RBMS2: variants seen among roughly 807,000 people sequenced by gnomAD.
RBMS2 encodes RNA binding motif single stranded interacting protein 2.
Under a neutral mutation model 58.4 loss-of-function variants are expected in RBMS2, and 38 were observed. The observed-to-expected ratio is 0.65, with a 90% CI of 0.50 to 0.85. The LOEUF (loss-of-function observed/expected upper bound fraction) is 0.85. RBMS2 is among the 40% of genes least tolerant of loss of function. The pLI, the probability that RBMS2 is intolerant of heterozygous loss-of-function variation, is 0.00. For missense variants in RBMS2, 367 were observed against 503.7 expected (o/e 0.73, Z 2.60); for synonymous variants, 151 against 180.7 (o/e 0.84, Z 1.32).
intron 1 of RBMS2, among the ~76,000 whole-genome samples, chr12:56,558,410 T>C (rs972048857): frequency 2.0e-5 from 3 of 149,454 alleles, no homozygotes; most frequent in Non-Finnish European, 4.4e-5. Flanking sequence ...GCATCACTGA[T>C]ACTTTCTTTC....
intron 5 of RBMS2, among the ~76,000 whole-genome samples, chr12:56,577,060 T>A (rs1409404068): frequency 6.8e-6 from 1 of 146,058 alleles, no homozygotes; most frequent in Non-Finnish European, 1.5e-5. Flanking sequence ...AAAAAAGTTA[T>A]CTTTACAATG....
At chr12:56,585,416 G>C (rs190467833) in intron 9 of RBMS2, among the ~76,000 whole-genome samples, 1 of 152,110 alleles carries the variant, frequency 6.6e-6, no homozygotes, top group Non-Finnish European at 1.5e-5. Flanking sequence ...CTATGGATTT[G>C]CCTATTCTGG....
intron 1 of RBMS2, among the ~76,000 whole-genome samples, chr12:56,561,193 C>A (rs1397104636): frequency 6.6e-6 from 1 of 152,094 alleles, no homozygotes; most frequent in Non-Finnish European, 1.5e-5. Flanking sequence ...GATTTCATAT[C>A]TTTGCTATTG....
intron 1 of RBMS2, among the ~76,000 whole-genome samples, chr12:56,540,949 A>G (rs1875966275): frequency 1.3e-5 from 2 of 152,070 alleles, no homozygotes; most frequent in Non-Finnish European, 2.9e-5. Flanking sequence ...AAAAACTCAA[A>G]TATTAGCCAG....
chr12:56,556,977 C>T (rs987536447), intron 1 of RBMS2, among the ~76,000 whole-genome samples: 1 of 152,106 alleles, frequency 6.6e-6, no homozygotes, highest in Admixed American at 6.6e-5. Context: ...GGGACTGGTC[C>T]CTCTAATCAG....
At chr12:56,522,226 C>G in intron 1 of RBMS2, 137 bp downstream of exon 1, 1 of 660,006 alleles carries the variant, frequency 1.5e-6, no homozygotes, top group Non-Finnish European at 2.5e-6. Flanking sequence ...CGCGCTTCTC[C>G]CTTTTCCACT....
chr12:56,585,249 T>A (rs992557572), intron 9 of RBMS2, among the ~76,000 whole-genome samples: 3 of 152,274 alleles, frequency 2.0e-5, no homozygotes, highest in African/African-American at 7.2e-5. Flanking sequence ...GTGTATGGCA[T>A]AAGATAGGAG....
chr12:56,591,499 C>T lies in RBMS2; in HGVS notation c.*2366C>T, dbSNP rs1041370324. 1 of 152,274 alleles carries T rather than the reference C, an allele frequency of 6.6e-6. No individual in the cohort carries two copies. Among genetic ancestry groups the T allele is most frequent in the South Asian group, 2.1e-4 (1 of 4,828 alleles). 9.4% of individuals were successfully genotyped at this position (152,274 alleles called of 1,614,324 possible). On this transcript the variant is annotated 3_prime_UTR_variant, in exon 14 of 14. Coordinates refer to ENST00000262031, the MANE Select transcript of RBMS2 (RefSeq NM_002898.4). ...ATCCAGTGTAAAATAGCCCCAAGCCCAGCAACCTTCTAGAGGGCTCTGGCT... is the reference window on the plus strand; with the variant it reads ...ATCCAGTGTAAAATAGCCCCAAGCCTAGCAACCTTCTAGAGGGCTCTGGCT...
At chr12:56,577,202 G>A (rs891108256) in intron 5 of RBMS2, among the ~76,000 whole-genome samples, 3 of 151,776 alleles carry the variant, frequency 2.0e-5, no homozygotes, top group South Asian at 4.2e-4. Context: ...TCAGGAGTTC[G>A]AGACCAGCCT....
At chr12:56,550,565 G>A (rs1406774540) in intron 1 of RBMS2, among the ~76,000 whole-genome samples, 2 of 151,766 alleles carry the variant, frequency 1.3e-5, no homozygotes, top group Non-Finnish European at 2.9e-5. Context: ...AAAAGGCCAG[G>A]CATGGTGGCT....
chr12:56,589,518 A>C lies in RBMS2; in HGVS notation c.*385A>C. On this transcript the variant is annotated 3_prime_UTR_variant, in exon 14 of 14. Transcript: ENST00000262031. ...TTTCGATGTATTGGAATTATTTGGG[A>C]ATGCTTTTAAAACAATTTGTAATTA... is the stretch of plus-strand genomic sequence containing the variant. 1 of 230,392 alleles carries C rather than the reference A, an allele frequency of 4.3e-6. No individual in the cohort carries two copies. The highest frequency in any genetic ancestry group is 8.6e-6 in the Non-Finnish European group (1 of 116,134). 14.3% of individuals were successfully genotyped at this position (230,392 alleles called of 1,614,324 possible).
rs144259176 is a variant in RBMS2 at position 56,548,618 on chromosome 12, A to G, written c.67-13799A>G. Among the ~76,000 whole-genome samples, 94 of 152,276 alleles carry G rather than the reference A, an allele frequency of 6.2e-4. 3 individuals are homozygous for G. In the East Asian group the frequency reaches 0.016, roughly 25 times the overall value. The stretch of plus-strand genomic sequence containing the variant: ...ATGTATTTTAGGCAAACGTTCAGTT[A>G]TGTTATATGTCCTGGAGACCACTGG... On this transcript the variant is annotated intron_variant, in intron 1 of 13. Transcript: ENST00000262031.
chr12:56,538,042 A>G (rs958107981), intron 1 of RBMS2, among the ~76,000 whole-genome samples: 2 of 151,436 alleles, frequency 1.3e-5, no homozygotes, highest in African/African-American at 4.9e-5. Flanking sequence ...TTATTTATTT[A>G]TTTATTTGAG....
At chr12:56,542,688 A>G (rs573647551) in intron 1 of RBMS2, among the ~76,000 whole-genome samples, 185 of 151,140 alleles carry the variant, frequency 1.2e-3, no homozygotes, top group Non-Finnish European at 2.0e-3. Context: ...AGCTAGGACT[A>G]TAGGTGCACA....
chr12:56,582,796 G>A (rs1416207039), intron 9 of RBMS2, among the ~76,000 whole-genome samples: 3 of 152,196 alleles, frequency 2.0e-5, no homozygotes, highest in Non-Finnish European at 4.4e-5. Flanking sequence ...AGCCTCTGGA[G>A]TACCTGGGAT....
chr12:56,546,667 C>T (rs1877307569), intron 1 of RBMS2, among the ~76,000 whole-genome samples: 2 of 151,848 alleles, frequency 1.3e-5, no homozygotes, highest in African/African-American at 4.8e-5. Flanking sequence ...CAGAACTTCA[C>T]CATGTTGGCC....
chr12:56,536,156 C>T (rs537684763), intron 1 of RBMS2, among the ~76,000 whole-genome samples: 5 of 141,114 alleles, frequency 3.5e-5, no homozygotes, highest in South Asian at 2.2e-4. Context: ...GCTGAGATCA[C>T]GCCATTGCAC....
At chr12:56,561,766 C>A (rs1002971899) in intron 1 of RBMS2, among the ~76,000 whole-genome samples, 6 of 106,470 alleles carry the variant, frequency 5.6e-5, no homozygotes, top group East Asian at 7.1e-4. Context: ...CCACCCCCCC[C>A]CTCCTTGGCC....
At chr12:56,569,728 A>G (rs1436473749) in intron 3 of RBMS2, among the ~76,000 whole-genome samples, 171 bp from the exon 4 acceptor site, 1 of 152,140 alleles carries the variant, frequency 6.6e-6, no homozygotes, top group Non-Finnish European at 1.5e-5. Context: ...AGTAGATCAC[A>G]TCTCAGGGTT....
Sources: gnomAD v4.1 joint callset for allele counts (sites outside exome capture counted in the v4.1 genomes callset) on GRCh38, gnomAD v4.1.1 for gene constraint, MANE v1.5 for transcripts, NCBI Gene and HGNC (gene_info 2026-07-23, HGNC 2026-07-21) for gene names.